The following LTF variants were observed in gnomAD, a reference collection of about 807,000 sequenced individuals.
LTF encodes the protein lactotransferrin, also known as epididymis luminal protein 110.
Under a neutral mutation model 87.2 loss-of-function variants are expected in LTF, and 91 were observed. That is an observed-to-expected ratio of 1.04 (90% CI 0.88 to 1.24). The LOEUF (loss-of-function observed/expected upper bound fraction) is 1.24, where lower values mean the gene tolerates loss of function less well. LTF is among the 50% of genes most tolerant of loss of function. The probability of loss-of-function intolerance (pLI) is 0.00; values close to 1 mark genes in which losing one functional copy is unlikely to be tolerated. For missense variants in LTF, 901 were observed against 904.3 expected, an observed-to-expected ratio of 1.00 and a Z score of 0.05; for synonymous variants, 378 against 356.1, an observed-to-expected ratio of 1.06 and a Z score of -0.69.
chr3:46,474,567 G>A (rs1043816783), intron 1 of LTF, among the ~76,000 whole-genome samples: 2 of 152,176 alleles, frequency 1.3e-5, no homozygotes, highest in African/African-American at 4.8e-5. Context: ...TAGCAAGAGT[G>A]TAGAAGAATT....
chr3:46,468,692 G>A (rs1166036034), upstream of LTF, among the ~76,000 whole-genome samples: 1 of 152,220 alleles, frequency 6.6e-6, no homozygotes, highest in Admixed American at 6.5e-5. Context: ...GTGGGATAAG[G>A]CAGAAAAGGC....
In LTF at chr3:46,462,742, G is replaced by A. The variant is rs1259293905; in HGVS notation, c.43+2083C>T. On this transcript the variant is annotated intron_variant, in intron 1 of 16. Coordinates refer to ENST00000231751, the MANE Select transcript of LTF (RefSeq NM_002343.6). ...AGGCAGAGAAGCTGTGGCCAACGAA[G>A]GCACCAGGGAAGGGCTAGTCTGAGT... is the stretch of plus-strand genomic sequence containing the variant. Among the ~76,000 whole-genome samples, 3 of 152,224 alleles carry A rather than the reference G, an allele frequency of 2.0e-5. No homozygotes were observed. The East Asian group carries it at 5.8e-4, about 29-fold the overall frequency.
chr3:46,477,071 A>C (rs982904087), intron 1 of LTF, among the ~76,000 whole-genome samples: 13 of 152,220 alleles, frequency 8.5e-5, no homozygotes, highest in African/African-American at 3.1e-4. Context: ...TGCTTTAGAA[A>C]ATTCTGCTAG....
At chr3:46,466,860 T>A (rs1246397074), upstream of LTF, among the ~76,000 whole-genome samples, 1 of 152,180 alleles carries the variant, frequency 6.6e-6, no homozygotes, top group East Asian at 1.9e-4. Flanking sequence ...ATAAAAGAAT[T>A]AAGAAACATC....
Position 46,449,925 on chromosome 3 carries a change from A to AC in LTF, c.985dup (p.Val329GlyfsTer26). The AC allele has an allele frequency of 6.2e-7, 1 of 1,614,100 alleles. No individual in the cohort carries two copies. Among genetic ancestry groups the AC allele is most frequent in the African/African-American group, 1.3e-5 (1 of 75,012 alleles). On this transcript the variant is annotated frameshift_variant, in exon 8 of 17. Transcript: ENST00000231751. LOFTEE classifies it high-confidence loss of function. ...CAGCCCAGAATCTATCCTCGGGGGC[A>AC]CCCTCGAAAACCCAATGGCAGAGTC...
chr3:46,445,305 T>C lies in LTF; in HGVS notation c.1489A>G (p.Asn497Asp), dbSNP rs1702623675. 5 of 1,611,882 alleles carry C rather than the reference T, an allele frequency of 3.1e-6. No homozygotes were observed. Among genetic ancestry groups the C allele is most frequent in the African/African-American group, 1.3e-5 (1 of 74,912 alleles). Residue 497 changes from asparagine to aspartate, a missense_variant, in exon 12 of 17, where the codon AAC becomes GAC. By Grantham distance (23) the Asn-to-Asp change is conservative. Transcript: ENST00000231751. The part of the protein sequence containing the change: ...GWNIPMGLLF[N>D]QTGSCKFDEY... ...CCAAATTTGCAGGAGCCCGTCTGGTTGAAGAGCAGGCCCATGGGGATATTC... is the reference window on the plus strand; with the variant it reads ...CCAAATTTGCAGGAGCCCGTCTGGTCGAAGAGCAGGCCCATGGGGATATTC...
chr3:46,469,356 T>G (rs1703254697), upstream of LTF: 2 of 152,302 alleles, frequency 1.3e-5, no homozygotes, highest in South Asian at 2.1e-4. Flanking sequence ...TGGCAAGAAT[T>G]GAACCTTCCG....
chr3:46,438,143 G>A lies in LTF; in HGVS notation c.1909-14C>T. The A allele has an allele frequency of 6.2e-7, 1 of 1,608,716 alleles. No homozygotes were observed. The highest frequency in any genetic ancestry group is 8.5e-7 in the Non-Finnish European group (1 of 1,176,230). ...CCCAAATTTAGCCTGCGACAAAAGG[G>A]CAGACAGTGAGTAGCTAAGGAAAAG... On this transcript the variant is annotated splice_polypyrimidine_tract_variant and intron_variant, in intron 15 of 16. Coordinates refer to ENST00000231751, the MANE Select transcript of LTF (RefSeq NM_002343.6).
At chr3:46,443,834 G>A (rs1354029569) in intron 12 of LTF, among the ~76,000 whole-genome samples, 1 of 152,184 alleles carries the variant, frequency 6.6e-6, no homozygotes, top group Non-Finnish European at 1.5e-5. Context: ...CTGCCTGGAG[G>A]GTCCCGTCAT....
intron 10 of LTF, 82 bp from the exon 11 acceptor site, chr3:46,446,575 A>G (rs1575310719): frequency 8.2e-7 from 1 of 1,217,912 alleles, no homozygotes; most frequent in Admixed American, 1.8e-5. Flanking sequence ...TCAATGATGC[A>G]GAATCAAATC....
upstream of LTF, chr3:46,465,003 T>C (rs908477997): frequency 1.2e-6 from 1 of 822,316 alleles, no homozygotes; most frequent in Non-Finnish European, 2.0e-6. Context: ...CGGCCAGGTC[T>C]ACTTGTTCCT....
chr3:46,459,087 T>A (rs1340825959), intron 2 of LTF, among the ~76,000 whole-genome samples: 1 of 152,228 alleles, frequency 6.6e-6, no homozygotes, highest in Admixed American at 6.5e-5. Context: ...AATATATTTG[T>A]TGAATGAATG....
At chr3:46,452,756 T>C (rs1187872393) in intron 6 of LTF, among the ~76,000 whole-genome samples, 1 of 152,216 alleles carries the variant, frequency 6.6e-6, no homozygotes. Context: ...GCTTCACATA[T>C]GGCAGAAAAA....
At chr3:46,443,996 G>A (rs1028900309) in intron 12 of LTF, among the ~76,000 whole-genome samples, 8 of 152,170 alleles carry the variant, frequency 5.3e-5, no homozygotes, top group Admixed American at 3.9e-4. Context: ...ATAAAGACTA[G>A]ACTTATCAGA....
intron 5 of LTF, 128 bp from the exon 6 acceptor site, chr3:46,454,488 G>C (rs1467598215): frequency 3.5e-6 from 3 of 850,386 alleles, no homozygotes; most frequent in Non-Finnish European, 6.0e-6. Context: ...CTGAAGCTTT[G>C]GGGCATCCCA....
In LTF at chr3:46,456,303, G is replaced by A. The variant is rs145234336; in HGVS notation, c.303C>T (p.Tyr101=). ...GGCAGAACTCACGTCTTTCGGTCCC[G>A]TAGACTTCCGCCGCTACAGGTCGCA... ...YKLRPVAAEV[Y]GTERQPRTHY... Residue 101 remains tyrosine (Y), a synonymous_variant, in exon 3 of 17, where the codon TAC becomes TAT. Transcript: ENST00000231751. 2.7e-5 allele frequency: 44 copies of A among 1,613,930 alleles called. No homozygotes were observed. Among genetic ancestry groups the A allele is most frequent in the African/African-American group, 1.5e-4 (11 of 75,022 alleles).
Position 46,445,260 on chromosome 3 carries a change from C to G in LTF, c.1513+21G>C, listed in dbSNP as rs375142948. 3 of 1,594,480 alleles carry G rather than the reference C, an allele frequency of 1.9e-6. 1 individual carries two copies. The highest frequency in any genetic ancestry group is 1.1e-5 in the South Asian group (1 of 88,634). On this transcript the variant is annotated intron_variant, in intron 12 of 16. Transcript: ENST00000231751. ...CTACCCTCCAGGGTGGCCCACCCAC[C>G]GCACCTTTGGAACTCCTTACCAAAT...
At chr3:46,465,217 GAC>G (rs1474636836), upstream of LTF, 2 of 367,704 alleles carry the variant, frequency 5.4e-6, no homozygotes, top group Non-Finnish European at 1.0e-5. Context: ...TAGAGGGCAG[GAC>G]ACAGAGCAGA....
At chr3:46,465,242 G>T (rs964746119), upstream of LTF, 104 of 278,000 alleles carry the variant, frequency 3.7e-4, no homozygotes, top group Non-Finnish European at 6.5e-4. Flanking sequence ...GTCTTTACTT[G>T]AAGATCGCCT....
Sources: gnomAD v4.1 joint callset for allele counts (sites outside exome capture counted in the v4.1 genomes callset) on GRCh38, gnomAD v4.1.1 for gene constraint, MANE v1.5 for transcripts, NCBI Gene and HGNC (gene_info 2026-07-23, HGNC 2026-07-21) for gene names.